The following SORCS1 variants were observed in gnomAD, a reference collection of about 807,000 sequenced individuals.
SORCS1 encodes sortilin related VPS10 domain containing receptor 1, also known as VPS10 domain-containing receptor SorCS1.
SORCS1 carries 60 observed loss-of-function variants against 146.1 expected under a neutral mutation model. The ratio of observed to expected loss-of-function variants is 0.41; its 90% CI spans 0.33 to 0.51. SORCS1 has a LOEUF of 0.51. Among genes scored for constraint, SORCS1 ranks in the 20% least tolerant of loss-of-function variants. The pLI, the probability that SORCS1 is intolerant of heterozygous loss-of-function variation, is 0.21. For missense variants in SORCS1, 1,352 were observed against 1,487.6 expected (o/e 0.91, Z 1.50); for synonymous variants, 637 against 584.0 (o/e 1.09, Z -1.31).
At chr10:107,008,334 C>T (rs1957542560) in intron 1 of SORCS1, among the ~76,000 whole-genome samples, 1 of 152,202 alleles carries the variant, frequency 6.6e-6, no homozygotes, top group African/African-American at 2.4e-5. Flanking sequence ...AGCCAAGTCA[C>T]AAGGTCATTT....
At chr10:106,697,109 A>G (rs543003226) in intron 9 of SORCS1, among the ~76,000 whole-genome samples, 48 of 152,348 alleles carry the variant, frequency 3.2e-4, no homozygotes, top group Non-Finnish European at 6.0e-4. Context: ...TCAACAAAAC[A>G]TACTTCAAGT....
At chr10:106,790,160 A>G (rs113871988) in intron 3 of SORCS1, among the ~76,000 whole-genome samples, 1,654 of 152,314 alleles carry the variant, frequency 0.011, 27 homozygotes, top group African/African-American at 0.037. Flanking sequence ...TAAACAATTG[A>G]TACTGGACTT....
Position 106,822,782 on chromosome 10 carries a change from G to GTTTTTTTTTTTTTTTTTTTT in SORCS1, c.726+6772_726+6791dup, listed in dbSNP as rs1158921880. Among the ~76,000 whole-genome samples, 12 of 113,152 alleles carry GTTTTTTTTTTTTTTTTTTTT rather than the reference G, an allele frequency of 1.1e-4. 2 individuals carry two copies. Among genetic ancestry groups the GTTTTTTTTTTTTTTTTTTTT allele is most frequent in the East Asian group, 2.8e-4 (1 of 3,544 alleles). 74.2% of individuals were successfully genotyped at this position (113,152 alleles called of 152,430 possible). A position where few individuals can be genotyped will look rare whatever the true frequency, so the allele number is the denominator to read the frequency against. ...CACTATGTCTCTGAATTCATGTGTG[G>GTTTTTTTTTTTTTTTTTTTT]TTTTTTTTTTTTTTTTTTTTGAATA... On this transcript the variant is annotated intron_variant, in intron 3 of 25. Transcript: ENST00000263054.
chr10:106,816,166 A>G (rs953358544), intron 3 of SORCS1, among the ~76,000 whole-genome samples: 1 of 152,252 alleles, frequency 6.6e-6, no homozygotes. Flanking sequence ...GAAGAGTGAA[A>G]AAAGTTACAA....
At chr10:106,665,011 C>T (rs1851024733) in intron 17 of SORCS1, among the ~76,000 whole-genome samples, 1 of 151,996 alleles carries the variant, frequency 6.6e-6, no homozygotes, top group Non-Finnish European at 1.5e-5. Flanking sequence ...TGACCCATTG[C>T]TATAAAAGTG....
intron 1 of SORCS1, among the ~76,000 whole-genome samples, chr10:107,005,688 C>T (rs527890890): frequency 6.6e-6 from 1 of 152,072 alleles, no homozygotes; most frequent in South Asian, 2.1e-4. Context: ...GTATTTTCCA[C>T]AATAAGATTA....
At chr10:106,904,914 C>A (rs1004683563) in intron 2 of SORCS1, among the ~76,000 whole-genome samples, 2 of 152,114 alleles carry the variant, frequency 1.3e-5, no homozygotes, top group African/African-American at 4.8e-5. Flanking sequence ...CCTACAAAAA[C>A]TATTGAAAGA....
intron 3 of SORCS1, among the ~76,000 whole-genome samples, chr10:106,825,563 C>T (rs767622776): frequency 6.6e-6 from 1 of 152,030 alleles, no homozygotes; most frequent in Non-Finnish European, 1.5e-5. Flanking sequence ...TGAGCCACTG[C>T]GCCCAGCCAA....
intron 23 of SORCS1, among the ~76,000 whole-genome samples, chr10:106,598,903 G>A (rs1846068146): frequency 6.6e-6 from 1 of 152,178 alleles, no homozygotes; most frequent in Non-Finnish European, 1.5e-5. Context: ...GACCATCACT[G>A]CCCAGTCGTT....
chr10:106,935,015 T>C (rs1263779155), intron 2 of SORCS1, among the ~76,000 whole-genome samples: 1 of 152,132 alleles, frequency 6.6e-6, no homozygotes, highest in Non-Finnish European at 1.5e-5. Context: ...TTCATCACTA[T>C]ACAATTCATC....
intron 2 of SORCS1, among the ~76,000 whole-genome samples, chr10:106,883,286 A>G (rs1950873581): frequency 6.6e-6 from 1 of 152,232 alleles, no homozygotes; most frequent in Admixed American, 6.5e-5. Flanking sequence ...GTTGTCAGGA[A>G]TGTTAATAAA....
chr10:106,763,298 G>A (rs1415765801), intron 4 of SORCS1, among the ~76,000 whole-genome samples: 1 of 152,100 alleles, frequency 6.6e-6, no homozygotes, highest in Non-Finnish European at 1.5e-5. Context: ...GCCAGCGTTT[G>A]TGGTTCTTTT....
intron 7 of SORCS1, among the ~76,000 whole-genome samples, chr10:106,706,935 C>T (rs144719168): frequency 1.3e-5 from 2 of 152,288 alleles, no homozygotes; most frequent in East Asian, 1.9e-4. Flanking sequence ...GGCTGATTGC[C>T]ATCACCAGCC....
chr10:106,766,016 T>C (rs1394850253), intron 4 of SORCS1, among the ~76,000 whole-genome samples: 1 of 152,096 alleles, frequency 6.6e-6, no homozygotes, highest in Admixed American at 6.5e-5. Context: ...TTTTAAGTCT[T>C]TGGTTCATGG....
At chr10:107,071,901 G>A (rs1231492925) in intron 1 of SORCS1, among the ~76,000 whole-genome samples, 1 of 152,198 alleles carries the variant, frequency 6.6e-6, no homozygotes, top group Non-Finnish European at 1.5e-5. Flanking sequence ...CAGGGCTGAG[G>A]GGAAAATGGA....
intron 2 of SORCS1, among the ~76,000 whole-genome samples, chr10:106,893,228 C>T (rs918463092): frequency 6.6e-6 from 1 of 152,064 alleles, no homozygotes; most frequent in Non-Finnish European, 1.5e-5. Context: ...AATTGCCATT[C>T]CCCTATCATC....
chr10:107,175,706 G>A, the SORCS1 span, among the ~76,000 whole-genome samples: 2 of 151,912 alleles, frequency 1.3e-5, no homozygotes, highest in Admixed American at 1.3e-4. Flanking sequence ...AAAGTGCTGG[G>A]GATTATTGGT....
At chr10:106,780,648 C>CA (rs1232727522) in intron 3 of SORCS1, among the ~76,000 whole-genome samples, 1 of 152,178 alleles carries the variant, frequency 6.6e-6, no homozygotes, top group African/African-American at 2.4e-5. Context: ...TCCCCTTGAG[C>CA]AAATCCTCGC....
intron 5 of SORCS1, among the ~76,000 whole-genome samples, chr10:106,747,356 G>C (rs1359238273): frequency 6.6e-6 from 1 of 152,180 alleles, no homozygotes; most frequent in Admixed American, 6.5e-5. Flanking sequence ...AAACCAAAAT[G>C]ATGTTTCCAT....
Sources: allele counts gnomAD v4.1 joint callset (sites outside exome capture counted in the v4.1 genomes callset), GRCh38; gene constraint gnomAD v4.1.1; transcripts MANE v1.5; gene names NCBI Gene and HGNC (gene_info 2026-07-23, HGNC 2026-07-21).